The following ARHGAP12 variants were observed in gnomAD, a reference collection of about 807,000 sequenced individuals.
ARHGAP12 encodes rho GTPase-activating protein 12.
ARHGAP12 carries 64 observed loss-of-function variants against 108.6 expected under a neutral mutation model. That is an observed-to-expected ratio of 0.59 (90% CI 0.48 to 0.73). The LOEUF is 0.73. ARHGAP12 is among the 30% of genes least tolerant of loss of function. The pLI is 0.00. For synonymous variants in ARHGAP12, 312 were observed against 337.2 expected (o/e 0.93, Z 0.82); for missense variants, 940 against 1,005.9 (o/e 0.93, Z 0.89).
At chr10:31,881,956 C>T (rs1312875979) in intron 3 of ARHGAP12, among the ~76,000 whole-genome samples, 1 of 150,298 alleles carries the variant, frequency 6.7e-6, no homozygotes, top group Non-Finnish European at 1.5e-5. Flanking sequence ...GCTCTGTCGC[C>T]CAGGCTGGAG....
chr10:31,807,713 T>C lies in ARHGAP12; in HGVS notation c.2486A>G (p.Gln829Arg). 1.2e-6 allele frequency: 2 copies of C among 1,606,726 alleles called. No homozygotes were observed. Among genetic ancestry groups the C allele is most frequent in the Non-Finnish European group, 1.7e-6 (2 of 1,177,982 alleles). Residue 829 changes from glutamine to arginine, a missense_variant, in exon 20 of 20, where the codon CAG becomes CGG. By Grantham distance (43) the Gln-to-Arg change is conservative. Transcript: ENST00000344936. Reference sequence around the variant, plus strand: ...AAGAATTAATTCTACAATCTGATTCTGGTACACAGTATGAACTGCTATATT... The same window carrying C: ...AAGAATTAATTCTACAATCTGATTCCGGTACACAGTATGAACTGCTATATT... Reference protein sequence around the residue: ...TGNIAVHTVYQNQIVELILLE... With the variant: ...TGNIAVHTVYRNQIVELILLE...
intron 1 of ARHGAP12, among the ~76,000 whole-genome samples, chr10:31,922,662 G>A (rs1340488270): frequency 6.6e-6 from 1 of 152,024 alleles, no homozygotes; most frequent in Non-Finnish European, 1.5e-5. Context: ...AACAGAATTT[G>A]TCTTTAAAAG....
chr10:31,898,526 C>A (rs1169170261), intron 3 of ARHGAP12, among the ~76,000 whole-genome samples: 1 of 152,212 alleles, frequency 6.6e-6, no homozygotes, highest in African/African-American at 2.4e-5. Flanking sequence ...GCTGGAATTA[C>A]AGGCGTGAGC....
At chr10:31,899,477 T>C (rs1838836896) in intron 3 of ARHGAP12, among the ~76,000 whole-genome samples, 1 of 152,222 alleles carries the variant, frequency 6.6e-6, no homozygotes, top group South Asian at 2.1e-4. Context: ...TTAGTTACTT[T>C]CAACACTTAC....
At position 31,806,940 on chromosome 10, in the gene ARHGAP12, T is replaced by G. The variant is rs1834840794; in HGVS notation, c.*718A>C. ...TAACTCAGTATGGTACTAGATATAA[T>G]TAGGATTGTTAGCTACAATTCAGTA... On this transcript the variant is annotated 3_prime_UTR_variant, in exon 20 of 20. Coordinates refer to ENST00000344936, the MANE Select transcript of ARHGAP12 (RefSeq NM_018287.7). 6.6e-6 allele frequency: 1 copy of G among 152,372 alleles called. No homozygotes were observed. The highest frequency in any genetic ancestry group is 2.1e-4 in the South Asian group (1 of 4,832). The allele number at this position is 152,372 out of a possible 1,614,324, so 9.4% of individuals were successfully genotyped here.
In ARHGAP12 at chr10:31,824,506, A is replaced by G. The variant is rs77296196; in HGVS notation, c.1530+1798T>C. On this transcript the variant is annotated intron_variant, in intron 11 of 19. Transcript: ENST00000344936. ...AAAGTAATACAACCTTGGCTGATAA[A>G]CAGAAATACCTCACCTCCTTTGTCA... Among the ~76,000 whole-genome samples the G allele has an allele frequency of 2.2e-3, 328 of 152,284 alleles. 8 individuals carry two copies. The East Asian group carries it at 0.05, about 23-fold the overall frequency.
chr10:31,918,743 G>C (rs1057455217), intron 1 of ARHGAP12, among the ~76,000 whole-genome samples: 1 of 152,176 alleles, frequency 6.6e-6, no homozygotes, highest in African/African-American at 2.4e-5. Context: ...ACAAATGTTT[G>C]TGAGGATGTG....
intron 3 of ARHGAP12, among the ~76,000 whole-genome samples, chr10:31,889,618 C>CA (rs1564414245): frequency 9.8e-6 from 1 of 101,532 alleles, no homozygotes; most frequent in African/African-American, 3.7e-5. Flanking sequence ...TAATTTTTCT[C>CA]GTTTTTTTTT....
At position 31,908,168 on chromosome 10, in the gene ARHGAP12, T is replaced by A; in HGVS notation, c.684+4A>T. On this transcript the variant is annotated splice_donor_region_variant and intron_variant, in intron 3 of 19. Transcript: ENST00000344936. The stretch of plus-strand genomic sequence containing the variant: ...GTGTTTCCTCATTCTATTTTTAATC[T>A]TACCCTTATCTGTTCAGTGGAGCTG... 6.4e-7 allele frequency: 1 copy of A among 1,565,606 alleles called. No homozygotes were observed. The highest frequency in any genetic ancestry group is 8.6e-7 in the Non-Finnish European group (1 of 1,159,606).
chr10:31,840,806 A>G (rs1191855339), intron 7 of ARHGAP12, among the ~76,000 whole-genome samples: 1 of 152,180 alleles, frequency 6.6e-6, no homozygotes, highest in African/African-American at 2.4e-5. Context: ...GAAAGTTTAC[A>G]TGGAAGCCCT....
intron 13 of ARHGAP12, 61 bp from the exon 14 acceptor site, chr10:31,814,422 G>C: frequency 1.5e-6 from 2 of 1,327,212 alleles, no homozygotes. Flanking sequence ...AGTTGGAATG[G>C]CATAATTCTC....
At chr10:31,882,495 A>C (rs1045142314) in intron 3 of ARHGAP12, among the ~76,000 whole-genome samples, 14 of 152,190 alleles carry the variant, frequency 9.2e-5, no homozygotes, top group African/African-American at 3.4e-4. Context: ...AGTGGAACAA[A>C]ATGCACAAAA....
chr10:31,827,556 C>T (rs1835661800), intron 10 of ARHGAP12, among the ~76,000 whole-genome samples: 1 of 152,122 alleles, frequency 6.6e-6, no homozygotes, highest in Non-Finnish European at 1.5e-5. Context: ...CTTTGGGAGG[C>T]CGAGACGGGT....
At position 31,809,086 on chromosome 10, in the gene ARHGAP12, T is replaced by C; in HGVS notation, c.2171A>G (p.His724Arg). The C allele has an allele frequency of 1.2e-6, 2 of 1,613,484 alleles. No individual in the cohort carries two copies. Among genetic ancestry groups the C allele is most frequent in the Non-Finnish European group, 1.7e-6 (2 of 1,179,634 alleles). The change falls in exon 18 of 20, where the codon CAT (histidine) becomes CGT (arginine). Residue 724 changes from histidine to arginine, a missense_variant. Transcript: ENST00000344936. ...DLNDSKWEDI[H>R]VITGALKMFF... ...CATTTTGAGGGCTCCAGTAATGACA[T>C]GAATATCTTCCCATTTACTGTCATT... is the stretch of plus-strand genomic sequence containing the variant.
chr10:31,850,990 C>G (rs1346633046), intron 6 of ARHGAP12, among the ~76,000 whole-genome samples: 1 of 152,026 alleles, frequency 6.6e-6, no homozygotes, highest in East Asian at 1.9e-4. Context: ...ATTTGTGGCA[C>G]TTTTCAATAG....
At chr10:31,808,939 T>A (rs1834917793) in intron 18 of ARHGAP12, 55 bp downstream of exon 18, 2 of 1,503,702 alleles carry the variant, frequency 1.3e-6, no homozygotes, top group Non-Finnish European at 1.8e-6. Flanking sequence ...GGTGGCTTAA[T>A]CTGTGCAAAG....
intron 16 of ARHGAP12, 31 bp from the exon 17 acceptor site, chr10:31,809,338 G>A (rs775565198): frequency 1.3e-6 from 2 of 1,582,110 alleles, no homozygotes; most frequent in Non-Finnish European, 8.7e-7. Context: ...GTGTGTGTGT[G>A]TGTTTAAAGT....
intron 3 of ARHGAP12, among the ~76,000 whole-genome samples, chr10:31,865,371 GT>G (rs1837284721): frequency 6.6e-6 from 1 of 152,034 alleles, no homozygotes; most frequent in Admixed American, 6.6e-5. Flanking sequence ...TAACATACAG[GT>G]TGTATGTTTG....
intron 1 of ARHGAP12, among the ~76,000 whole-genome samples, chr10:31,928,428 CCCACGTCAGCCAATAGG>C (rs977737685): frequency 1.3e-5 from 2 of 151,748 alleles, no homozygotes; most frequent in Admixed American, 1.3e-4. Context: ...AACCCTCTCG[CCCACGTCAGCCAATAGG>C]CTGCGCCGGC....
Sources: gnomAD v4.1 joint callset for allele counts (sites outside exome capture counted in the v4.1 genomes callset) on GRCh38, gnomAD v4.1.1 for gene constraint, MANE v1.5 for transcripts, NCBI Gene and HGNC (gene_info 2026-07-23, HGNC 2026-07-21) for gene names.